ARFGEF3: variants seen among roughly 807,000 people sequenced by gnomAD.
The protein encoded by ARFGEF3 is ARFGEF family member 3.
Under a neutral mutation model 221.7 loss-of-function variants are expected in ARFGEF3, and 96 were observed. The ratio of observed to expected loss-of-function variants is 0.43; its 90% CI spans 0.37 to 0.51. ARFGEF3 has a LOEUF of 0.51. Ranked by LOEUF, ARFGEF3 falls within the 20% of genes least tolerant of loss-of-function variation. ARFGEF3 has a pLI of 0.00. For missense variants in ARFGEF3, 2,410 were observed against 2,789.9 expected (o/e 0.86, Z 3.07); for synonymous variants, 1,145 against 1,126.8 (o/e 1.02, Z -0.32).
chr6:138,296,762 A>T, intron 20 of ARFGEF3, 48 bp from the exon 21 acceptor site: 3 of 1,593,044 alleles, frequency 1.9e-6, no homozygotes, highest in Non-Finnish European at 2.6e-6. Flanking sequence ...AGGTCAGACT[A>T]TGTCTGAGTT....
At chr6:138,227,724 C>T (rs541473114) in intron 4 of ARFGEF3, among the ~76,000 whole-genome samples, 4 of 152,224 alleles carry the variant, frequency 2.6e-5, no homozygotes, top group East Asian at 1.9e-4. Flanking sequence ...ACAGGCTCCA[C>T]GGATGGTATA....
rs3044804 is a variant in ARFGEF3 at position 138,270,427 on chromosome 6, G to GACACACACACACACACACAC, written c.2128+6834_2128+6853dup. On this transcript the variant is annotated intron_variant, in intron 12 of 33. Coordinates refer to ENST00000251691, the MANE Select transcript of ARFGEF3 (RefSeq NM_020340.5). The stretch of plus-strand genomic sequence containing the variant: ...GCTCTAACTTCAGGAATTTTACGTA[G>GACACACACACACACACACAC]ACACACACACACACACACACACACA... Among the ~76,000 whole-genome samples the GACACACACACACACACACAC allele has an allele frequency of 6.0e-3, 843 of 139,480 alleles. 7 individuals carry two copies. The highest frequency in any genetic ancestry group is 9.8e-3 in the Non-Finnish European group (639 of 64,974). The allele number at this position is 139,480 out of a possible 152,430, so 91.5% of individuals were successfully genotyped here. A position where few individuals can be genotyped will look rare whatever the true frequency, so the allele number is the denominator to read the frequency against.
chr6:138,322,046 T>A (rs1364014933), intron 29 of ARFGEF3, among the ~76,000 whole-genome samples: 2 of 152,068 alleles, frequency 1.3e-5, no homozygotes, highest in Non-Finnish European at 2.9e-5. Context: ...TGTGGGTGTG[T>A]CTCTGGGGGT....
chr6:138,326,402 A>G (rs1421937986), intron 31 of ARFGEF3, among the ~76,000 whole-genome samples: 1 of 152,216 alleles, frequency 6.6e-6, no homozygotes, highest in African/African-American at 2.4e-5. Flanking sequence ...AGGCAATACC[A>G]TAAGACTCCA....
chr6:138,273,531 G>A (rs1057056555), intron 12 of ARFGEF3, among the ~76,000 whole-genome samples: 3 of 152,228 alleles, frequency 2.0e-5, no homozygotes, highest in African/African-American at 7.2e-5. Context: ...CGTCAGTGAG[G>A]CCAATCAGAG....
chr6:138,177,018 T>C (rs913966778), intron 2 of ARFGEF3, among the ~76,000 whole-genome samples: 1 of 151,772 alleles, frequency 6.6e-6, no homozygotes. Flanking sequence ...GGTGACTAGA[T>C]GCTTTTCTCT....
At chr6:138,234,230 G>A (rs1488949806) in intron 5 of ARFGEF3, among the ~76,000 whole-genome samples, 1 of 152,156 alleles carries the variant, frequency 6.6e-6, no homozygotes, top group African/African-American at 2.4e-5. Flanking sequence ...GATGGCACCT[G>A]GGAAGGTGCA....
chr6:138,228,613 TA>T (rs1228217996), intron 4 of ARFGEF3, among the ~76,000 whole-genome samples: 7 of 152,206 alleles, frequency 4.6e-5, no homozygotes, highest in African/African-American at 1.7e-4. Flanking sequence ...AAATCTTTTT[TA>T]CCCCCCTTTA....
chr6:138,277,408 G>A (rs1441771930), intron 12 of ARFGEF3, among the ~76,000 whole-genome samples: 1 of 152,196 alleles, frequency 6.6e-6, no homozygotes, highest in East Asian at 1.9e-4. Flanking sequence ...TTTGGCTGTT[G>A]TGAGTAATGC....
chr6:138,296,777 C>T (rs143423621), intron 20 of ARFGEF3, 33 bp from the exon 21 acceptor site: 1 of 1,605,642 alleles, frequency 6.2e-7, no homozygotes, highest in African/African-American at 1.3e-5. Context: ...TGAGTTTTGG[C>T]TTTCTGGCAT....
At chr6:138,264,025 GGATC>G (rs1332448979) in intron 12 of ARFGEF3, among the ~76,000 whole-genome samples, 2 of 152,158 alleles carry the variant, frequency 1.3e-5, no homozygotes, top group Non-Finnish European at 2.9e-5. Flanking sequence ...ATGCTGTCTT[GGATC>G]AGTTGCACGC....
rs1355699640 is a variant in ARFGEF3 at position 138,317,236 on chromosome 6, C to G, written c.4346-15C>G. On this transcript the variant is annotated splice_polypyrimidine_tract_variant and intron_variant, in intron 26 of 33. Transcript: ENST00000251691. ...TCTAACTGGATTTCATACAGGTCTG[C>G]TTTTTGGTTTCCAGGTCTGATAGAA... is the stretch of plus-strand genomic sequence containing the variant. 1 of 1,609,856 alleles carries G rather than the reference C, an allele frequency of 6.2e-7. No individual in the cohort carries two copies. Among genetic ancestry groups the G allele is most frequent in the Non-Finnish European group, 8.5e-7 (1 of 1,178,814 alleles).
At chr6:138,224,994 C>T (rs896458188) in intron 4 of ARFGEF3, among the ~76,000 whole-genome samples, 37 of 152,092 alleles carry the variant, frequency 2.4e-4, no homozygotes, top group African/African-American at 8.7e-4. Context: ...TTGACTAGGA[C>T]AGTAGGGGTT....
At chr6:138,200,290 C>T (rs6926040) in intron 2 of ARFGEF3, among the ~76,000 whole-genome samples, 11 of 152,098 alleles carry the variant, frequency 7.2e-5, no homozygotes, top group African/African-American at 2.7e-4. Context: ...CATAAAAACA[C>T]CACCATCATT....
At position 138,261,667 on chromosome 6, in the gene ARFGEF3, A is replaced by G. The variant is rs186786910; in HGVS notation, c.1217+28A>G. 33 of 1,349,776 alleles carry G rather than the reference A, an allele frequency of 2.4e-5. 1 individual carries two copies. In the African/African-American group the frequency reaches 4.1e-4, roughly 17 times the overall value. The allele number at this position is 1,349,776 out of a possible 1,614,324, so 83.6% of individuals were successfully genotyped here. A position where few individuals can be genotyped will look rare whatever the true frequency, so the allele number is the denominator to read the frequency against. On this transcript the variant is annotated intron_variant, in intron 11 of 33. Coordinates refer to ENST00000251691, the MANE Select transcript of ARFGEF3 (RefSeq NM_020340.5). Reference sequence around the variant, plus strand: ...ATGATGTTTATCCTTTTAAGTCTTTATTGAGGCTGCTTTTCTGAAGACTTT... The same window carrying G: ...ATGATGTTTATCCTTTTAAGTCTTTGTTGAGGCTGCTTTTCTGAAGACTTT...
intron 27 of ARFGEF3, 76 bp downstream of exon 27, chr6:138,317,455 G>T (rs751806152): frequency 5.1e-6 from 8 of 1,562,010 alleles, no homozygotes; most frequent in Non-Finnish European, 7.0e-6. Context: ...TTCTGCAGGT[G>T]TCTGCCTGTT....
At chr6:138,244,520 A>G (rs900414797) in intron 7 of ARFGEF3, among the ~76,000 whole-genome samples, 2 of 152,220 alleles carry the variant, frequency 1.3e-5, no homozygotes, top group African/African-American at 4.8e-5. Flanking sequence ...AGTTTTCGAT[A>G]TGTAGTTGAA....
Position 138,170,642 on chromosome 6 carries a change from T to C in ARFGEF3, c.86-20T>C. On this transcript the variant is annotated intron_variant, in intron 1 of 33. Transcript: ENST00000251691. ...CAGTGTTTAAATATTTATTTTAACTTTGTAATTTTTCTTTTGCAGAAACTC... is the reference window on the plus strand; with the variant it reads ...CAGTGTTTAAATATTTATTTTAACTCTGTAATTTTTCTTTTGCAGAAACTC... The C allele has an allele frequency of 3.5e-6, 5 of 1,415,170 alleles. No individual in the cohort carries two copies. The highest frequency in any genetic ancestry group is 1.2e-5 in the South Asian group (1 of 86,166). The allele number at this position is 1,415,170 out of a possible 1,614,324, so 87.7% of individuals were successfully genotyped here. A position where few individuals can be genotyped will look rare whatever the true frequency, so the allele number is the denominator to read the frequency against.
chr6:138,248,896 C>T (rs1019950661), intron 8 of ARFGEF3, among the ~76,000 whole-genome samples: 3 of 152,142 alleles, frequency 2.0e-5, no homozygotes, highest in African/African-American at 4.8e-5. Flanking sequence ...AGGCCCAACA[C>T]GGATAGGCTT....
Sources: gnomAD v4.1 joint callset for allele counts (sites outside exome capture counted in the v4.1 genomes callset) on GRCh38, gnomAD v4.1.1 for gene constraint, MANE v1.5 for transcripts, NCBI Gene and HGNC (gene_info 2026-07-23, HGNC 2026-07-21) for gene names.